Variants in ADAM22 observed in about 807,000 individuals in gnomAD.
The protein encoded by ADAM22 is ADAM metallopeptidase domain 22.
Under a neutral mutation model 144.6 loss-of-function variants are expected in ADAM22, and 65 were observed. The observed-to-expected ratio is 0.45, with a 90% confidence interval of 0.37 to 0.55. The LOEUF is 0.55. ADAM22 is among the 20% of genes least tolerant of loss of function. The pLI is 0.00. For synonymous variants in ADAM22, 391 were observed against 412.6 expected (o/e 0.95, Z 0.63); for missense variants, 974 against 1,184.9 (o/e 0.82, Z 2.61).
At chr7:88,023,686 A>G (rs985402864) in intron 3 of ADAM22, among the ~76,000 whole-genome samples, 10 of 152,210 alleles carry the variant, frequency 6.6e-5, no homozygotes, top group African/African-American at 2.2e-4. Flanking sequence ...GATGACAGGC[A>G]TGAGCCACTG....
chr7:87,982,229 A>G (rs1323699060), intron 3 of ADAM22, among the ~76,000 whole-genome samples: 1 of 152,048 alleles, frequency 6.6e-6, no homozygotes, highest in African/African-American at 2.4e-5. Context: ...ATCTAGCCAG[A>G]GAAACAAACA....
intron 3 of ADAM22, among the ~76,000 whole-genome samples, chr7:88,033,651 G>A (rs1327351901): frequency 3.9e-5 from 6 of 152,240 alleles, no homozygotes; most frequent in Non-Finnish European, 8.8e-5. Context: ...GGATTCCCCA[G>A]GCTTTGGGTG....
intron 16 of ADAM22, 23 bp downstream of exon 16, chr7:88,145,219 G>T (rs1563319429): frequency 6.2e-7 from 1 of 1,612,480 alleles, no homozygotes. Context: ...TTGTTTTGAT[G>T]ATATTTTCTA....
At chr7:87,973,271 G>A (rs1850956905) in intron 2 of ADAM22, among the ~76,000 whole-genome samples, 1 of 152,088 alleles carries the variant, frequency 6.6e-6, no homozygotes, top group South Asian at 2.1e-4. Flanking sequence ...TCAAAAAGTG[G>A]GCAAAGGATA....
chr7:88,007,411 A>G (rs1794188110), intron 3 of ADAM22, among the ~76,000 whole-genome samples: 1 of 152,174 alleles, frequency 6.6e-6, no homozygotes, highest in African/African-American at 2.4e-5. Context: ...TAAAGTTCAT[A>G]TGGAACCAAA....
chr7:87,965,798 C>G (rs949922753), intron 2 of ADAM22, among the ~76,000 whole-genome samples: 1 of 152,202 alleles, frequency 6.6e-6, no homozygotes, highest in Non-Finnish European at 1.5e-5. Context: ...TGGCTTACTC[C>G]TGAAGTTGCC....
rs917103090 is a variant in ADAM22 at position 88,136,663 on chromosome 7, A to G, written c.1220+632A>G. Among the ~76,000 whole-genome samples the G allele has an allele frequency of 2.0e-5, 3 of 151,912 alleles. No individual in the cohort carries two copies. In the South Asian group the frequency reaches 6.2e-4, roughly 32 times the overall value. On this transcript the variant is annotated intron_variant, in intron 14 of 31. Transcript: ENST00000413139. ...CATTACTGCCCTAGTTTAAACTTTG[A>G]CCATCTTTTGCTGTTATTATTTTAA...
At chr7:88,191,644 A>G (rs1251368247) in intron 30 of ADAM22, among the ~76,000 whole-genome samples, 1 of 152,224 alleles carries the variant, frequency 6.6e-6, no homozygotes, top group Non-Finnish European at 1.5e-5. Flanking sequence ...TAATTAAAAA[A>G]ATATGAAGTA....
chr7:88,089,966 C>G (rs1819434505), intron 4 of ADAM22: 1 of 152,040 alleles, frequency 6.6e-6, no homozygotes, highest in South Asian at 2.1e-4. Context: ...TTTCTTTTTT[C>G]TAAAAAGAAC....
chr7:88,089,079 A>G (rs1015742923), intron 4 of ADAM22, among the ~76,000 whole-genome samples: 1 of 152,094 alleles, frequency 6.6e-6, no homozygotes, highest in Non-Finnish European at 1.5e-5. Flanking sequence ...CATGGGAAGC[A>G]CACAAGTAGC....
At chr7:87,991,491 C>T (rs1407671872) in intron 3 of ADAM22, among the ~76,000 whole-genome samples, 8 of 151,886 alleles carry the variant, frequency 5.3e-5, no homozygotes, top group South Asian at 2.1e-4. Flanking sequence ...CTCAGCCTCC[C>T]GAGTAGCTGG....
intron 6 of ADAM22, 60 bp from the exon 7 acceptor site, chr7:88,116,685 C>A: frequency 7.1e-7 from 1 of 1,400,564 alleles, no homozygotes; most frequent in South Asian, 1.2e-5. Context: ...GCTATGTTTG[C>A]CTAAGGCTGG....
intron 4 of ADAM22, among the ~76,000 whole-genome samples, chr7:88,105,761 A>C (rs755528229): frequency 2.8e-4 from 42 of 152,046 alleles, no homozygotes; most frequent in Non-Finnish European, 5.9e-4. Context: ...AATCTCAGAG[A>C]TTGTGGTTCC....
At chr7:88,123,009 CTA>C (rs1829661789) in intron 7 of ADAM22, among the ~76,000 whole-genome samples, 1 of 152,144 alleles carries the variant, frequency 6.6e-6, no homozygotes, top group African/African-American at 2.4e-5. Context: ...AAATGCTTTT[CTA>C]TGTCTATTAC....
chr7:88,169,312 A>G (rs961239511), intron 25 of ADAM22, among the ~76,000 whole-genome samples: 2 of 152,128 alleles, frequency 1.3e-5, no homozygotes, highest in Non-Finnish European at 2.9e-5. Flanking sequence ...GCAAAACATT[A>G]CAGTTTGACA....
At chr7:88,107,326 C>T (rs1003989434) in intron 4 of ADAM22, among the ~76,000 whole-genome samples, 6 of 151,004 alleles carry the variant, frequency 4.0e-5, no homozygotes, top group African/African-American at 9.7e-5. Context: ...CTCAGCCTCC[C>T]GAGTAACTGG....
At chr7:88,023,724 C>T (rs1041683572) in intron 3 of ADAM22, among the ~76,000 whole-genome samples, 8 of 152,074 alleles carry the variant, frequency 5.3e-5, no homozygotes, top group Admixed American at 3.3e-4. Context: ...TTAAAATATA[C>T]AATTAAATTG....
intron 29 of ADAM22, among the ~76,000 whole-genome samples, chr7:88,182,905 G>C (rs1847440702): frequency 6.6e-6 from 1 of 151,984 alleles, no homozygotes. Flanking sequence ...TTATTTCCAG[G>C]ATCTCTATTG....
chr7:88,068,769 G>A (rs1334247151), intron 3 of ADAM22, among the ~76,000 whole-genome samples: 1 of 152,092 alleles, frequency 6.6e-6, no homozygotes, highest in Admixed American at 6.6e-5. Context: ...AATTCACTGG[G>A]TCTGTCAGCT....
Sources: gnomAD v4.1 joint callset for allele counts (sites outside exome capture counted in the v4.1 genomes callset) on GRCh38, gnomAD v4.1.1 for gene constraint, MANE v1.5 for transcripts, NCBI Gene and HGNC (gene_info 2026-07-23, HGNC 2026-07-21) for gene names.